The following TBX20 variants were observed in gnomAD, a reference collection of about 807,000 sequenced individuals.
The protein encoded by TBX20 is T-box transcription factor 20.
A neutral mutation model predicts 42.9 loss-of-function variants in TBX20; 8 were observed. The ratio of observed to expected loss-of-function variants is 0.19; its 90% CI spans 0.11 to 0.34. The LOEUF is 0.34. TBX20 is among the 10% of genes least tolerant of loss of function. The probability of loss-of-function intolerance (pLI) is 1.00; values close to 1 mark genes in which losing one functional copy is unlikely to be tolerated. For missense variants in TBX20, 411 were observed against 566.0 expected (o/e 0.73, Z 2.78); for synonymous variants, 198 against 222.8 (o/e 0.89, Z 0.99).
At chr7:35,236,575 C>A (rs185302349) in intron 5 of TBX20, among the ~76,000 whole-genome samples, 4 of 152,068 alleles carry the variant, frequency 2.6e-5, no homozygotes, top group Non-Finnish European at 5.9e-5. Context: ...TTATTCACTG[C>A]ACATATGTTT....
intron 6 of TBX20, among the ~76,000 whole-genome samples, chr7:35,223,601 G>C (rs1789719951): frequency 6.6e-6 from 1 of 152,126 alleles, no homozygotes; most frequent in Non-Finnish European, 1.5e-5. Context: ...AAAGGAAAGA[G>C]GGCAGAATGA....
chr7:35,220,570 A>T (rs1011225748), intron 6 of TBX20, among the ~76,000 whole-genome samples: 24 of 152,244 alleles, frequency 1.6e-4, no homozygotes, highest in African/African-American at 3.9e-4. Context: ...CCACATTGGT[A>T]AAATGGCAAT....
At chr7:35,237,750 T>G (rs1789993918) in intron 5 of TBX20, among the ~76,000 whole-genome samples, 1 of 152,118 alleles carries the variant, frequency 6.6e-6, no homozygotes, top group East Asian at 1.9e-4. Context: ...AAAATGTCAT[T>G]AAAGATGTGG....
At chr7:35,221,118 A>G (rs1271030337) in intron 6 of TBX20, among the ~76,000 whole-genome samples, 2 of 152,110 alleles carry the variant, frequency 1.3e-5, no homozygotes, top group African/African-American at 2.4e-5. Context: ...GAGATGCAAC[A>G]TATGTTTACA....
At position 35,202,471 on chromosome 7, in the gene TBX20, C is replaced by T. The variant is rs777607652; in HGVS notation, c.1303G>A (p.Gly435Arg). 45 of 1,606,062 alleles carry T rather than the reference C, an allele frequency of 2.8e-5. No individual in the cohort carries two copies. The highest frequency in any genetic ancestry group is 3.6e-5 in the Non-Finnish European group (42 of 1,176,332). ...ATCACAGCAGAGGAATGGCGTAGTC[C>T]TTGAATGGCAGCATAGGGCCCCTGC... is the stretch of plus-strand genomic sequence containing the variant. ...FQQGPYAAIQ[G>R]LRHSSAVMTP... The change falls in exon 8 of 8, where the codon GGA becomes AGA. Residue 435 changes from glycine (G) to arginine (R), a missense_variant. Physicochemically the swap from Gly to Arg is moderately radical, Grantham distance 125 (BLOSUM62 -2). Transcript: ENST00000408931.
At chr7:35,212,237 C>G (rs1253263385) in intron 6 of TBX20, among the ~76,000 whole-genome samples, 2 of 152,144 alleles carry the variant, frequency 1.3e-5, no homozygotes, top group East Asian at 3.9e-4. Flanking sequence ...TCATTTTATA[C>G]ATTGCAGTTT....
At chr7:35,234,981 C>G (rs1303675329) in intron 5 of TBX20, among the ~76,000 whole-genome samples, 1 of 152,046 alleles carries the variant, frequency 6.6e-6, no homozygotes, top group East Asian at 1.9e-4. Context: ...ACTAGGGTGT[C>G]CACAATAAGA....
chr7:35,238,448 T>C (rs571994547), intron 5 of TBX20, among the ~76,000 whole-genome samples: 1 of 152,204 alleles, frequency 6.6e-6, no homozygotes, highest in African/African-American at 2.4e-5. Context: ...ATAAAAGCAA[T>C]GAGGTTTCCA....
chr7:35,248,608 C>G, intron 3 of TBX20, 69 bp downstream of exon 3: 1 of 1,558,080 alleles, frequency 6.4e-7, no homozygotes, highest in Non-Finnish European at 8.8e-7. Context: ...GCTTAAAATT[C>G]ACACAAGCCA....
intron 1 of TBX20, 149 bp downstream of exon 1, chr7:35,253,345 C>T: frequency 1.1e-6 from 1 of 911,686 alleles, no homozygotes; most frequent in Non-Finnish European, 1.7e-6. Flanking sequence ...CCAAAGAAAA[C>T]TTGGACCCAA....
Position 35,202,601 on chromosome 7 carries a change from G to T in TBX20, c.1173C>A (p.Ser391Arg), listed in dbSNP as rs761280672. ...HPIQGSLPPY[S>R]RLGMPLTPSA... Reference sequence around the variant, plus strand: ...ATGGTGTCAGAGGCATTCCCAGTCGGCTATATGGTGGCAGAGAACCCTGGA... The same window carrying T: ...ATGGTGTCAGAGGCATTCCCAGTCGTCTATATGGTGGCAGAGAACCCTGGA... The change falls in exon 8 of 8, where the codon AGC (serine) becomes AGA (arginine). Residue 391 changes from serine (S) to arginine (R), a missense_variant. Physicochemically the swap from Ser to Arg is moderately radical, Grantham distance 110. This residue lies in a region of TBX20 where 162 missense variants were observed against 205.4 expected (regional missense o/e 0.79). Transcript: ENST00000408931. 1.9e-6 allele frequency: 3 copies of T among 1,613,908 alleles called. No homozygotes were observed. Among genetic ancestry groups the T allele is most frequent in the Admixed American group, 3.3e-5 (2 of 59,988 alleles).
At chr7:35,223,371 A>T (rs1789716006) in intron 6 of TBX20, among the ~76,000 whole-genome samples, 1 of 152,194 alleles carries the variant, frequency 6.6e-6, no homozygotes, top group Non-Finnish European at 1.5e-5. Flanking sequence ...CCAGAAATGT[A>T]GGTTCAATAG....
intron 6 of TBX20, among the ~76,000 whole-genome samples, chr7:35,206,684 C>G (rs1021624800): frequency 1.3e-5 from 2 of 152,228 alleles, no homozygotes; most frequent in Admixed American, 6.5e-5. Flanking sequence ...CTCCTATGCT[C>G]CATGGTCCCC....
At chr7:35,217,841 CTCCCG>C (rs1789615990) in intron 6 of TBX20, among the ~76,000 whole-genome samples, 2 of 152,166 alleles carry the variant, frequency 1.3e-5, no homozygotes, top group African/African-American at 4.8e-5. Context: ...CTGCCTCAGC[CTCCCG>C]AGTAGCTGGG....
intron 6 of TBX20, 28 bp from the exon 7 acceptor site, chr7:35,204,610 A>C (rs1789369983): frequency 6.5e-7 from 1 of 1,548,184 alleles, no homozygotes; most frequent in Non-Finnish European, 8.9e-7. Context: ...ATCACAGGTT[A>C]AGTAAAATGT....
At chr7:35,215,196 G>C (rs1321197192) in intron 6 of TBX20, among the ~76,000 whole-genome samples, 1 of 152,198 alleles carries the variant, frequency 6.6e-6, no homozygotes, top group Non-Finnish European at 1.5e-5. Context: ...GAGGGGAAAA[G>C]AGGGATTTTA....
chr7:35,245,393 A>G (rs1790164236), intron 3 of TBX20, among the ~76,000 whole-genome samples: 1 of 151,430 alleles, frequency 6.6e-6, no homozygotes, highest in Non-Finnish European at 1.5e-5. Context: ...GATCAAACGC[A>G]AAATCTTCTT....
intron 4 of TBX20, 112 bp downstream of exon 4, chr7:35,244,837 A>G (rs549320814): frequency 2.7e-6 from 2 of 754,000 alleles, no homozygotes; most frequent in Admixed American, 1.9e-5. Context: ...ACTCAGAGAT[A>G]GAAGGTGGGA....
At chr7:35,223,351 G>A (rs2128712409) in intron 6 of TBX20, among the ~76,000 whole-genome samples, 1 of 152,284 alleles carries the variant, frequency 6.6e-6, no homozygotes, top group East Asian at 1.9e-4. Context: ...TGAATCTGGA[G>A]AGGCCAGAAC....
Sources: gnomAD v4.1 joint callset for allele counts (sites outside exome capture counted in the v4.1 genomes callset) on GRCh38, gnomAD v4.1.1 for gene constraint, gnomAD v4.1.1 regional missense constraint, MANE v1.5 for transcripts, NCBI Gene and HGNC (gene_info 2026-07-23, HGNC 2026-07-21) for gene names.